The following CUX1 variants were observed in gnomAD, a reference collection of about 807,000 sequenced individuals.
CUX1 encodes the protein cut like homeobox 1, also known as protein CASP.
CUX1 carries 31 observed loss-of-function variants against 158.8 expected under a neutral mutation model. The observed-to-expected ratio is 0.20, with a 90% CI of 0.15 to 0.26. The LOEUF (loss-of-function observed/expected upper bound fraction) is 0.26, where lower values mean the gene tolerates loss of function less well. Ranked by LOEUF, CUX1 falls within the 10% of genes least tolerant of loss-of-function variation. The pLI is 1.00. For missense variants in CUX1, 1,589 were observed against 2,014.6 expected, an observed-to-expected ratio of 0.79 and a Z score of 4.04; for synonymous variants, 879 against 862.1, an observed-to-expected ratio of 1.02 and a Z score of -0.34.
chr7:102,096,785 C>T (rs898594619), intron 4 of CUX1, among the ~76,000 whole-genome samples: 5 of 152,224 alleles, frequency 3.3e-5, no homozygotes, highest in Non-Finnish European at 5.9e-5. Flanking sequence ...AACCAACTAG[C>T]TGGGTGACCT....
chr7:101,997,995 G>A (rs1816186082), intron 2 of CUX1, among the ~76,000 whole-genome samples: 1 of 152,202 alleles, frequency 6.6e-6, no homozygotes, highest in South Asian at 2.1e-4. Context: ...CTCCCCAACT[G>A]TCAGTCACTC....
At chr7:102,121,589 GC>G (rs1554493527) in intron 8 of CUX1, among the ~76,000 whole-genome samples, 1 of 152,160 alleles carries the variant, frequency 6.6e-6, no homozygotes, top group East Asian at 1.9e-4. Context: ...CAAGTGATCT[GC>G]CCGCCTTGGC....
rs537662700 is a variant in CUX1, at chr7:101,825,753, CTGTGTG to C, written c.30+8125_30+8130del. Among the ~76,000 whole-genome samples, 1,292 of 129,504 alleles carry C rather than the reference CTGTGTG, an allele frequency of 1.0e-2. 8 individuals carry two copies. The highest frequency in any genetic ancestry group is 0.031 in the Middle Eastern group (8 of 258). The allele number at this position is 129,504 out of a possible 152,430, so 85.0% of individuals were successfully genotyped here. A position where few individuals can be genotyped will look rare whatever the true frequency, so the allele number is the denominator to read the frequency against. ...AAACGCCCTGATACCTTAATGAAAT[CTGTGTG>C]TGTGTGTGTGTGTGTGTGTGTGTGT... On this transcript the variant is annotated intron_variant, in intron 1 of 23. Coordinates refer to ENST00000292535, the MANE Select transcript of CUX1 (RefSeq NM_181552.4).
Position 102,115,283 on chromosome 7 carries a change from T to C in CUX1, c.674+10T>C. 1.2e-6 allele frequency: 2 copies of C among 1,607,010 alleles called. No homozygotes were observed. Among genetic ancestry groups the C allele is most frequent in the Non-Finnish European group, 1.7e-6 (2 of 1,178,340 alleles). On this transcript the variant is annotated intron_variant, in intron 8 of 23. Coordinates refer to ENST00000292535, the MANE Select transcript of CUX1 (RefSeq NM_181552.4). ...AAGAAACTACTGCAAAGTAAGTCTC[T>C]CTGCTTGGCCTCCCTTATCCGTACA... is the stretch of plus-strand genomic sequence containing the variant.
chr7:102,272,892 G>A (rs1359130086), intron 14 of CUX1, among the ~76,000 whole-genome samples: 2 of 152,120 alleles, frequency 1.3e-5, no homozygotes, highest in African/African-American at 2.4e-5. Flanking sequence ...GCGCCCCACT[G>A]CACCCCCGCG....
At chr7:101,887,507 C>T (rs1800352501) in intron 1 of CUX1, among the ~76,000 whole-genome samples, 1 of 152,046 alleles carries the variant, frequency 6.6e-6, no homozygotes, top group Admixed American at 6.6e-5. Context: ...TAGGGTCTTG[C>T]TATGTTGCCC....
rs1177987639 is a variant in CUX1, at chr7:102,252,228, C to T, written c.*3186C>T. ...ACTAAAATAATACAGCAATCCGTGG[C>T]CAGGGGAGCACCCCCTCCTGGTTGG... On this transcript the variant is annotated 3_prime_UTR_variant, in exon 24 of 24. Transcript: ENST00000292535. 13 of 985,328 alleles carry T rather than the reference C, an allele frequency of 1.3e-5. No homozygotes were observed. The highest frequency in any genetic ancestry group is 1.6e-5 in the Non-Finnish European group (13 of 829,952). 61.0% of individuals were successfully genotyped at this position (985,328 alleles called of 1,614,324 possible).
chr7:101,902,852 C>T (rs985799884), intron 1 of CUX1, among the ~76,000 whole-genome samples: 3 of 152,158 alleles, frequency 2.0e-5, no homozygotes, highest in Non-Finnish European at 4.4e-5. Context: ...GACTCGTGGG[C>T]TCTTTCCGCC....
intron 2 of CUX1, among the ~76,000 whole-genome samples, chr7:101,944,258 G>T (rs1278636027): frequency 6.6e-6 from 1 of 152,196 alleles, no homozygotes; most frequent in Non-Finnish European, 1.5e-5. Flanking sequence ...GGAGTGGGAA[G>T]GGGCAGGAGG....
At position 101,869,667 on chromosome 7, in the gene CUX1, GTCC is replaced by G. The variant is rs1428472199; in HGVS notation, c.31-46445_31-46443del. Among the ~76,000 whole-genome samples, 1 of 152,088 alleles carries G rather than the reference GTCC, an allele frequency of 6.6e-6. No individual in the cohort carries two copies. Among genetic ancestry groups the G allele is most frequent in the Non-Finnish European group, 1.5e-5 (1 of 67,984 alleles). ...GTGTGCACACGCGGGGAGCCTCCGT[GTCC>G]TCAGGACACCATGGAAGACGGCAGG... On this transcript the variant is annotated intron_variant, in intron 1 of 23. Coordinates refer to ENST00000292535, the MANE Select transcript of CUX1 (RefSeq NM_181552.4). This position sits in a 1 kb window ranked among gnomAD's most constrained non-coding sequence, Gnocchi z 4.5.
At chr7:102,096,775 A>C (rs1829239114) in intron 4 of CUX1, among the ~76,000 whole-genome samples, 1 of 152,182 alleles carries the variant, frequency 6.6e-6, no homozygotes, top group Admixed American at 6.5e-5. Context: ...TCTCCATGCC[A>C]ACCAACTAGC....
intron 1 of CUX1, among the ~76,000 whole-genome samples, chr7:101,898,240 C>G (rs1240220747): frequency 2.0e-5 from 3 of 152,078 alleles, no homozygotes; most frequent in African/African-American, 7.2e-5. Context: ...AGAAGTTTTC[C>G]CCAATGTAAA....
Position 101,914,560 on chromosome 7 carries a change from G to A in CUX1, c.31-1555G>A, listed in dbSNP as rs997933840. ...CATGCCCAGGCTGGAGTGCAGTGGC[G>A]TGATCTCGGCTCACTGCAACCTCTG... On this transcript the variant is annotated intron_variant, in intron 1 of 23. Coordinates refer to ENST00000292535, the MANE Select transcript of CUX1 (RefSeq NM_181552.4). 7.3e-5 allele frequency among the ~76,000 whole-genome samples: 11 copies of A among 150,850 alleles called. No homozygotes were observed. In the East Asian group the frequency reaches 9.8e-4, roughly 13 times the overall value.
In CUX1 at chr7:101,919,986, G is replaced by A. The variant is rs190590563; in HGVS notation, c.141+3761G>A. ...TCTGTCACCCAGGCTGGAGCGCAGC[G>A]GCACGATCACAGCTCACTACAGCCT... On this transcript the variant is annotated intron_variant, in intron 2 of 23. Transcript: ENST00000292535. Among the ~76,000 whole-genome samples, 628 of 152,100 alleles carry A rather than the reference G, an allele frequency of 4.1e-3. 6 individuals are homozygous for A. Among genetic ancestry groups the A allele is most frequent in the Middle Eastern group, 0.014 (4 of 294 alleles).
intron 2 of CUX1, among the ~76,000 whole-genome samples, chr7:101,987,265 A>G (rs1397645742): frequency 2.0e-5 from 3 of 152,336 alleles, no homozygotes; most frequent in Admixed American, 6.5e-5. Context: ...TGCGTGAGCC[A>G]CGACGGTAAA....
chr7:102,072,208 C>T (rs1826207443), intron 4 of CUX1, among the ~76,000 whole-genome samples: 1 of 152,206 alleles, frequency 6.6e-6, no homozygotes, highest in Non-Finnish European at 1.5e-5. Context: ...AGCAGCCGCT[C>T]AAGGGCCCAG....
At chr7:102,182,024 T>G (rs1418841234) in intron 11 of CUX1, among the ~76,000 whole-genome samples, 1 of 152,220 alleles carries the variant, frequency 6.6e-6, no homozygotes, top group Non-Finnish European at 1.5e-5. Context: ...GGAGCTGCTT[T>G]CTTTCTTTCT....
At chr7:101,972,339 A>G (rs1306071448) in intron 2 of CUX1, among the ~76,000 whole-genome samples, 1 of 152,222 alleles carries the variant, frequency 6.6e-6, no homozygotes, top group East Asian at 1.9e-4. Context: ...AGAACCAGAG[A>G]ATGAACTCTG....
chr7:102,080,943 G>C (rs1490462463), intron 4 of CUX1, among the ~76,000 whole-genome samples: 1 of 152,188 alleles, frequency 6.6e-6, no homozygotes, highest in Non-Finnish European at 1.5e-5. Flanking sequence ...CAGATATGCT[G>C]TTTCATTCCT....
Sources: gnomAD v4.1 joint callset for allele counts (sites outside exome capture counted in the v4.1 genomes callset) on GRCh38, gnomAD v4.1.1 for gene constraint, Gnocchi (gnomAD v3.1) non-coding constraint, MANE v1.5 for transcripts, NCBI Gene and HGNC (gene_info 2026-07-23, HGNC 2026-07-21) for gene names.